The following SEZ6L variants were observed in gnomAD, a reference collection of about 807,000 sequenced individuals.
SEZ6L encodes the protein seizure 6-like protein.
In SEZ6L, 37 loss-of-function variants were observed where a neutral mutation model predicts 106.2. The ratio of observed to expected loss-of-function variants is 0.35; its 90% CI spans 0.27 to 0.46. The LOEUF (loss-of-function observed/expected upper bound fraction) is 0.46, where lower values mean the gene tolerates loss of function less well. Among genes scored for constraint, SEZ6L ranks in the 20% least tolerant of loss-of-function variants. The pLI is 1.00. For missense variants in SEZ6L, 1,172 were observed against 1,332.8 expected, an observed-to-expected ratio of 0.88 and a Z score of 1.88; for synonymous variants, 541 against 570.4, an observed-to-expected ratio of 0.95 and a Z score of 0.73.
At chr22:26,260,600 A>ATG (rs968370042) in intron 1 of SEZ6L, among the ~76,000 whole-genome samples, 2 of 152,144 alleles carry the variant, frequency 1.3e-5, no homozygotes, top group African/African-American at 4.8e-5. Flanking sequence ...ATATATATAT[A>ATG]CATATCACAA....
chr22:26,298,045 G>A (rs2081350996), intron 4 of SEZ6L, among the ~76,000 whole-genome samples: 1 of 152,124 alleles, frequency 6.6e-6, no homozygotes, highest in Non-Finnish European at 1.5e-5. Flanking sequence ...AAATTGTCCA[G>A]ACATTTGAAA....
chr22:26,222,933 G>A (rs2078521313), intron 1 of SEZ6L, among the ~76,000 whole-genome samples: 1 of 151,846 alleles, frequency 6.6e-6, no homozygotes, highest in Non-Finnish European at 1.5e-5. Flanking sequence ...CATCTACTGT[G>A]TAGAGTCCAG....
At position 26,186,075 on chromosome 22, in the gene SEZ6L, T is replaced by C. The variant is rs576816252; in HGVS notation, c.94+16312T>C. Among the ~76,000 whole-genome samples the C allele has an allele frequency of 3.3e-5, 5 of 151,902 alleles. No individual in the cohort carries two copies. In the South Asian group the frequency reaches 1.0e-3, roughly 32 times the overall value. On this transcript the variant is annotated intron_variant, in intron 1 of 16. Coordinates refer to ENST00000248933, the MANE Select transcript of SEZ6L (RefSeq NM_021115.5). ...TGGCTGCCCATGAACCAAGCACAGGTTTGCCGCACACCGGGGACAGCCTCC... is the reference window on the plus strand; with the variant it reads ...TGGCTGCCCATGAACCAAGCACAGGCTTGCCGCACACCGGGGACAGCCTCC...
At chr22:26,344,866 G>C (rs2082956944) in intron 10 of SEZ6L, among the ~76,000 whole-genome samples, 1 of 152,208 alleles carries the variant, frequency 6.6e-6, no homozygotes, top group Admixed American at 6.5e-5. Flanking sequence ...ATGAGGCTTA[G>C]AGCAGTTAAT....
At chr22:26,178,541 A>T (rs553737350) in intron 1 of SEZ6L, among the ~76,000 whole-genome samples, 7 of 152,316 alleles carry the variant, frequency 4.6e-5, no homozygotes, top group African/African-American at 1.4e-4. Context: ...AGAACAAGGT[A>T]GGTGGATACA....
chr22:26,276,882 C>A lies in SEZ6L; in HGVS notation c.95-15524C>A, dbSNP rs531661619. Among the ~76,000 whole-genome samples, 10 of 152,286 alleles carry A rather than the reference C, an allele frequency of 6.6e-5. 1 individual carries two copies. The highest frequency in any genetic ancestry group is 2.4e-4 in the African/African-American group (10 of 41,556). On this transcript the variant is annotated intron_variant, in intron 1 of 16. Transcript: ENST00000248933. ...ACAGTTAATCAGATTGCTAAAGATA[C>A]AAGGGTAAGATCGTGCGCCTGTGCC...
At chr22:26,343,608 G>A (rs2082915038) in intron 10 of SEZ6L, among the ~76,000 whole-genome samples, 1 of 152,130 alleles carries the variant, frequency 6.6e-6, no homozygotes, top group Non-Finnish European at 1.5e-5. Context: ...CCAGGATATA[G>A]AGATGAATAG....
intron 1 of SEZ6L, among the ~76,000 whole-genome samples, chr22:26,172,423 C>T (rs764027692): frequency 5.9e-5 from 9 of 152,200 alleles, no homozygotes; most frequent in Non-Finnish European, 1.3e-4. Context: ...CCTTCCCCTT[C>T]CAGGGCAAAA....
chr22:26,281,270 C>T (rs904075059), intron 1 of SEZ6L, among the ~76,000 whole-genome samples: 1 of 152,122 alleles, frequency 6.6e-6, no homozygotes, highest in Non-Finnish European at 1.5e-5. Flanking sequence ...TAATGCACTG[C>T]GTCACTATGA....
At position 26,307,606 on chromosome 22, in the gene SEZ6L, G is replaced by A. The variant is rs145871342; in HGVS notation, c.1514+1462G>A. Among the ~76,000 whole-genome samples, 48 of 152,226 alleles carry A rather than the reference G, an allele frequency of 3.2e-4. 1 individual carries two copies. Among genetic ancestry groups the A allele is most frequent in the African/African-American group, 1.0e-3 (43 of 41,540 alleles). ...GCTGCTGTAAAGTGTAAGGTATCAAGCAGGGGCTCCCGAACGTGGCTTTTT... is the reference window on the plus strand; with the variant it reads ...GCTGCTGTAAAGTGTAAGGTATCAAACAGGGGCTCCCGAACGTGGCTTTTT... On this transcript the variant is annotated intron_variant, in intron 6 of 16. Coordinates refer to ENST00000248933, the MANE Select transcript of SEZ6L (RefSeq NM_021115.5).
chr22:26,245,369 A>AC (rs2079299696), intron 1 of SEZ6L, among the ~76,000 whole-genome samples: 1 of 152,136 alleles, frequency 6.6e-6, no homozygotes, highest in Non-Finnish European at 1.5e-5. Flanking sequence ...GTTCGGCTGG[A>AC]ACAGGGGTGC....
chr22:26,371,723 A>C (rs2084044299), intron 13 of SEZ6L, among the ~76,000 whole-genome samples: 2 of 151,956 alleles, frequency 1.3e-5, no homozygotes, highest in Admixed American at 6.6e-5. Context: ...GTGATCCCTG[A>C]AACCTCTCTT....
At chr22:26,236,547 G>A (rs917528167) in intron 1 of SEZ6L, among the ~76,000 whole-genome samples, 3 of 152,060 alleles carry the variant, frequency 2.0e-5, no homozygotes, top group Non-Finnish European at 4.4e-5. Context: ...GATTGATTGA[G>A]GTTGTGACAT....
rs888874998 is a variant in SEZ6L at position 26,211,334 on chromosome 22, G to A, written c.94+41571G>A. ...TGACATTGGGCTGCTAATGGTGTTG[G>A]CCAAACTCTTTGCCATTTCACTGAA... On this transcript the variant is annotated intron_variant, in intron 1 of 16. Coordinates refer to ENST00000248933, the MANE Select transcript of SEZ6L (RefSeq NM_021115.5). 7.9e-5 allele frequency among the ~76,000 whole-genome samples: 12 copies of A among 152,268 alleles called. No homozygotes were observed. In the East Asian group the frequency reaches 2.3e-3, roughly 29 times the overall value.
chr22:26,350,194 G>GTGTA (rs2083225898), intron 11 of SEZ6L, among the ~76,000 whole-genome samples: 1 of 138,736 alleles, frequency 7.2e-6, no homozygotes, highest in African/African-American at 2.9e-5. Flanking sequence ...GTGTGTGTGT[G>GTGTA]TATATATATA....
rs1260089810 is a variant in SEZ6L at position 26,341,806 on chromosome 22, C to T, written c.2212+1174C>T. Among the ~76,000 whole-genome samples the T allele has an allele frequency of 3.9e-5, 6 of 152,178 alleles. No individual in the cohort carries two copies. The East Asian group carries it at 1.2e-3, about 29-fold the overall frequency. On this transcript the variant is annotated intron_variant, in intron 10 of 16. Transcript: ENST00000248933. The stretch of plus-strand genomic sequence containing the variant: ...TATCCAATCCATCCTCTCAACTCCA[C>T]TTTTCAATATGTCTCAAATCCAAAC...
chr22:26,332,915 T>C (rs2082532855), intron 9 of SEZ6L, among the ~76,000 whole-genome samples: 1 of 152,230 alleles, frequency 6.6e-6, no homozygotes, highest in Admixed American at 6.5e-5. Context: ...AATCTTGACC[T>C]TCCTGGTTGA....
intron 11 of SEZ6L, among the ~76,000 whole-genome samples, chr22:26,348,658 G>GAGAA (rs2083130434): frequency 4.7e-5 from 2 of 42,882 alleles, no homozygotes; most frequent in African/African-American, 2.0e-4. Flanking sequence ...AAGAAAGAAA[G>GAGAA]AAAGAAAGAA....
intron 1 of SEZ6L, among the ~76,000 whole-genome samples, chr22:26,280,985 A>G (rs868572417): frequency 1.3e-5 from 2 of 152,212 alleles, no homozygotes; most frequent in African/African-American, 2.4e-5. Flanking sequence ...ATGTCATACA[A>G]TAGATCCCTT....
Sources: allele counts gnomAD v4.1 joint callset (sites outside exome capture counted in the v4.1 genomes callset), GRCh38; gene constraint gnomAD v4.1.1; transcripts MANE v1.5; gene names NCBI Gene and HGNC (gene_info 2026-07-23, HGNC 2026-07-21).